PSEN1: variants seen among roughly 807,000 people sequenced by gnomAD.
PSEN1 encodes the protein presenilin 1, also known as presenilin-1.
A neutral mutation model predicts 53.5 loss-of-function variants in PSEN1; 15 were observed. The observed-to-expected ratio is 0.28, with a 90% CI of 0.19 to 0.43. The LOEUF (loss-of-function observed/expected upper bound fraction) is 0.43. Among genes scored for constraint, PSEN1 ranks in the 20% least tolerant of loss-of-function variants. The probability of loss-of-function intolerance (pLI) is 1.00; values close to 1 mark genes in which losing one functional copy is unlikely to be tolerated. For synonymous variants in PSEN1, 208 were observed against 209.8 expected (o/e 0.99, Z 0.08); for missense variants, 387 against 571.2 (o/e 0.68, Z 3.29).
At chr14:73,196,997 A>T (rs538428827) in intron 7 of PSEN1, among the ~76,000 whole-genome samples, 10 of 147,826 alleles carry the variant, frequency 6.8e-5, no homozygotes, top group Admixed American at 4.1e-4. Flanking sequence ...CAGTGGCGCA[A>T]TCTCGGCGCA....
intron 7 of PSEN1, among the ~76,000 whole-genome samples, chr14:73,194,434 A>T (rs993069223): frequency 2.6e-5 from 4 of 151,320 alleles, no homozygotes; most frequent in Non-Finnish European, 5.9e-5. Context: ...TTAAAAAAAA[A>T]TTTTTTTTCA....
chr14:73,162,346 G>A (rs150763023), intron 3 of PSEN1, among the ~76,000 whole-genome samples: 226 of 152,102 alleles, frequency 1.5e-3, no homozygotes, highest in African/African-American at 5.0e-3. Flanking sequence ...CAACAGTGTG[G>A]TAAAGTAGGC....
intron 1 of PSEN1, among the ~76,000 whole-genome samples, chr14:73,147,041 ATTC>A (rs1343562022): frequency 1.4e-5 from 2 of 144,834 alleles, no homozygotes; most frequent in African/African-American, 5.0e-5. Context: ...GGAGTCAGCC[ATTC>A]TTTTTTTTTT....
chr14:73,184,244 G>C (rs1421186731), intron 5 of PSEN1, among the ~76,000 whole-genome samples: 18 of 122,876 alleles, frequency 1.5e-4, no homozygotes, highest in African/African-American at 5.5e-4. Context: ...GGCTGGCCGG[G>C]CGGGGGGCTG....
intron 3 of PSEN1, 59 bp from the exon 4 acceptor site, chr14:73,170,738 C>G (rs963157591): frequency 5.0e-6 from 8 of 1,591,236 alleles, no homozygotes; most frequent in Middle Eastern, 1.7e-4. Flanking sequence ...CAGGTCTAAC[C>G]GTTACCTTGA....
At chr14:73,139,713 G>C (rs895233282) in intron 1 of PSEN1, among the ~76,000 whole-genome samples, 4 of 152,146 alleles carry the variant, frequency 2.6e-5, no homozygotes, top group African/African-American at 9.7e-5. Flanking sequence ...TTGCCCTCTA[G>C]AGATAGTAAG....
chr14:73,139,288 T>A (rs214277), intron 1 of PSEN1: 13,417 of 138,662 alleles, frequency 0.097, 753 homozygotes, highest in Non-Finnish European at 0.13. Flanking sequence ...GTTTTTTTTT[T>A]AAAAAAAGGC....
In PSEN1 at chr14:73,220,077, A is replaced by G. The variant is rs367937261; in HGVS notation, c.*788A>G. The G allele has an allele frequency of 1.3e-5, 2 of 152,162 alleles. No individual in the cohort carries two copies. Among genetic ancestry groups the G allele is most frequent in the East Asian group, 3.9e-4 (2 of 5,194 alleles). 9.4% of individuals were successfully genotyped at this position (152,162 alleles called of 1,614,324 possible). ...TTTGGAAACAGTACAGCTATTTCTC[A>G]TCAATTCTCTATCATGTTGAAGTCA... On this transcript the variant is annotated 3_prime_UTR_variant, in exon 12 of 12. Transcript: ENST00000324501.
chr14:73,173,201 TG>T (rs1897941870), intron 4 of PSEN1, among the ~76,000 whole-genome samples: 1 of 152,206 alleles, frequency 6.6e-6, no homozygotes, highest in South Asian at 2.1e-4. Context: ...GACAACCACT[TG>T]TCAGCCCACG....
At chr14:73,200,470 A>G (rs979800669) in intron 8 of PSEN1, among the ~76,000 whole-genome samples, 1 of 152,130 alleles carries the variant, frequency 6.6e-6, no homozygotes, top group Non-Finnish European at 1.5e-5. Context: ...GGATTTCACC[A>G]CGTTGGCCAG....
intron 1 of PSEN1, chr14:73,147,501 TCAG>T (rs1172555787): frequency 1.8e-5 from 3 of 168,658 alleles, no homozygotes; most frequent in Non-Finnish European, 2.6e-5. Flanking sequence ...TTGAATTTGG[TCAG>T]CATAGAAAAA....
At chr14:73,171,885 C>T (rs775624520) in intron 4 of PSEN1, among the ~76,000 whole-genome samples, 1 of 152,198 alleles carries the variant, frequency 6.6e-6, no homozygotes, top group African/African-American at 2.4e-5. Flanking sequence ...TCAAAGATAA[C>T]ATTCCTGTTT....
chr14:73,215,148 A>G (rs1350693778), intron 10 of PSEN1, among the ~76,000 whole-genome samples: 4 of 151,746 alleles, frequency 2.6e-5, no homozygotes, highest in Non-Finnish European at 4.4e-5. Flanking sequence ...TTTAGTAGAG[A>G]CAAGGTTTCA....
chr14:73,185,693 A>C (rs1051926862), intron 5 of PSEN1, among the ~76,000 whole-genome samples: 2 of 152,172 alleles, frequency 1.3e-5, no homozygotes, highest in Admixed American at 1.3e-4. Context: ...AGAGGCCAGA[A>C]GTCCCAAGTC....
chr14:73,169,160 C>G (rs537844381), intron 3 of PSEN1: 2 of 152,228 alleles, frequency 1.3e-5, no homozygotes, highest in Non-Finnish European at 2.9e-5. Context: ...CTTTTTAGCT[C>G]TCATCCTGCC....
At chr14:73,187,037 C>G in intron 6 of PSEN1, 117 bp downstream of exon 6, 1 of 829,632 alleles carries the variant, frequency 1.2e-6, no homozygotes. Flanking sequence ...ATTGTTTCCA[C>G]ATATAGGTCA....
intron 7 of PSEN1, 168 bp from the exon 8 acceptor site, chr14:73,197,862 AC>A: frequency 1.8e-6 from 1 of 570,872 alleles, no homozygotes; most frequent in East Asian, 2.9e-5. Flanking sequence ...TGTCTCCCCC[AC>A]CCCCACCAGT....
chr14:73,193,653 C>T (rs912330241), intron 7 of PSEN1, among the ~76,000 whole-genome samples: 1 of 151,020 alleles, frequency 6.6e-6, no homozygotes, highest in African/African-American at 2.4e-5. Flanking sequence ...TATCTTACTG[C>T]AGAAGCTTTT....
intron 9 of PSEN1, among the ~76,000 whole-genome samples, chr14:73,210,793 C>T (rs1899645442): frequency 6.6e-6 from 1 of 152,160 alleles, no homozygotes; most frequent in Admixed American, 6.5e-5. Flanking sequence ...TTTACTTATT[C>T]ATGGCAAATC....
Sources: allele counts gnomAD v4.1 joint callset (sites outside exome capture counted in the v4.1 genomes callset), GRCh38; gene constraint gnomAD v4.1.1; transcripts MANE v1.5; gene names NCBI Gene and HGNC (gene_info 2026-07-23, HGNC 2026-07-21).